Variants in PCDH9 observed in about 807,000 individuals in gnomAD.
PCDH9 encodes the protein protocadherin 9.
Under a neutral mutation model 70.6 loss-of-function variants are expected in PCDH9, and 24 were observed. The observed-to-expected ratio is 0.34, with a 90% CI of 0.25 to 0.48. PCDH9 has a LOEUF of 0.48. PCDH9 is among the 20% of genes least tolerant of loss of function. The pLI, the probability that PCDH9 is intolerant of heterozygous loss-of-function variation, is 0.99. For missense variants in PCDH9, 1,281 were observed against 1,503.6 expected, an observed-to-expected ratio of 0.85 and a Z score of 2.45; for synonymous variants, 562 against 558.5, an observed-to-expected ratio of 1.01 and a Z score of -0.09.
intron 2 of PCDH9, among the ~76,000 whole-genome samples, chr13:66,980,078 CTCTATCTATCTATCTATCTATCTATCTA>C (rs34374674): frequency 3.1e-4 from 45 of 147,132 alleles, no homozygotes; most frequent in African/African-American, 9.8e-4. Context: ...AATTATCCAT[CTCTATCTATCTATCTATCTATCTATCTA>C]TCTATCTATC....
intron 4 of PCDH9, among the ~76,000 whole-genome samples, chr13:66,436,774 T>C (rs1204897173): frequency 6.6e-6 from 1 of 152,170 alleles, no homozygotes; most frequent in African/African-American, 2.4e-5. Context: ...ATATATAACA[T>C]ACTAATGCAT....
rs552085321 is a variant in PCDH9, at chr13:66,749,619, C to A, written c.3139-118208G>T. Among the ~76,000 whole-genome samples the A allele has an allele frequency of 1.4e-4, 21 of 152,218 alleles. No homozygotes were observed. In the South Asian group the frequency reaches 3.1e-3, roughly 23 times the overall value. On this transcript the variant is annotated intron_variant, in intron 3 of 4. Coordinates refer to ENST00000377865, the MANE Select transcript of PCDH9 (RefSeq NM_203487.3). ...ATTTTCTTTCCCATTCCTACCAGCTCGAGACCAGAATTTAGAAAAAGTCTC... is the reference window on the plus strand; with the variant it reads ...ATTTTCTTTCCCATTCCTACCAGCTAGAGACCAGAATTTAGAAAAAGTCTC...
chr13:66,512,285 TA>T (rs1959515567), intron 4 of PCDH9, among the ~76,000 whole-genome samples: 2 of 89,320 alleles, frequency 2.2e-5, no homozygotes, highest in African/African-American at 9.0e-5. Flanking sequence ...TTAGGAATTA[TA>T]TATATATATA....
At chr13:66,384,831 ATT>A (rs35787790) in intron 4 of PCDH9, among the ~76,000 whole-genome samples, 1 of 151,046 alleles carries the variant, frequency 6.6e-6, no homozygotes, top group African/African-American at 2.4e-5. Context: ...CTCCCAGATA[ATT>A]TTTTTTTGTA....
chr13:66,700,202 T>G (rs1181828333), intron 3 of PCDH9, among the ~76,000 whole-genome samples: 1 of 152,134 alleles, frequency 6.6e-6, no homozygotes, highest in Non-Finnish European at 1.5e-5. Context: ...AATCGCTATT[T>G]GTAATGCAAT....
chr13:66,731,182 G>A (rs1457264723), intron 3 of PCDH9, among the ~76,000 whole-genome samples: 1 of 152,028 alleles, frequency 6.6e-6, no homozygotes, highest in African/African-American at 2.4e-5. Flanking sequence ...ATGACAATCA[G>A]AGGCATAAAT....
At chr13:66,857,338 C>G (rs1002582328) in intron 3 of PCDH9, among the ~76,000 whole-genome samples, 1 of 152,090 alleles carries the variant, frequency 6.6e-6, no homozygotes, top group East Asian at 1.9e-4. Flanking sequence ...TCCATTGGTA[C>G]ATTTGGTTTA....
At chr13:66,812,350 C>CA (rs778868672) in intron 3 of PCDH9, among the ~76,000 whole-genome samples, 14 of 150,654 alleles carry the variant, frequency 9.3e-5, no homozygotes, top group African/African-American at 1.2e-4. Flanking sequence ...AAAAACTGAA[C>CA]AAAAAAAAAT....
At chr13:66,445,461 T>A (rs1177505758) in intron 4 of PCDH9, among the ~76,000 whole-genome samples, 3 of 142,870 alleles carry the variant, frequency 2.1e-5, no homozygotes, top group African/African-American at 8.0e-5. Context: ...TATATACACA[T>A]ATATATAATA....
chr13:66,440,588 G>A (rs1429830036), intron 4 of PCDH9, among the ~76,000 whole-genome samples: 1 of 152,010 alleles, frequency 6.6e-6, no homozygotes, highest in Non-Finnish European at 1.5e-5. Flanking sequence ...GGTTTAATTT[G>A]TAGATGATGA....
intron 3 of PCDH9, among the ~76,000 whole-genome samples, chr13:66,663,645 C>T (rs1048105172): frequency 2.0e-5 from 3 of 152,142 alleles, no homozygotes; most frequent in Non-Finnish European, 2.9e-5. Context: ...TATCTCCTGA[C>T]ACATGAACCA....
At chr13:66,662,291 G>A (rs2078020938) in intron 3 of PCDH9, among the ~76,000 whole-genome samples, 1 of 151,928 alleles carries the variant, frequency 6.6e-6, no homozygotes, top group African/African-American at 2.4e-5. Context: ...TGACCAACAT[G>A]GAGAAACCCC....
At chr13:66,730,897 T>TTTTTTG (rs2079070340) in intron 3 of PCDH9, among the ~76,000 whole-genome samples, 7 of 129,130 alleles carry the variant, frequency 5.4e-5, no homozygotes, top group East Asian at 2.2e-4. Flanking sequence ...GTTTGTTTCT[T>TTTTTTG]TTTTTTTGTG....
intron 4 of PCDH9, among the ~76,000 whole-genome samples, chr13:66,629,038 A>G (rs1237082358): frequency 1.3e-5 from 2 of 152,222 alleles, no homozygotes; most frequent in African/African-American, 4.8e-5. Context: ...TCTGAAATCC[A>G]CTGATTAAAT....
At chr13:66,834,447 T>G (rs529456590) in intron 3 of PCDH9, among the ~76,000 whole-genome samples, 1 of 152,260 alleles carries the variant, frequency 6.6e-6, no homozygotes, top group African/African-American at 2.4e-5. Context: ...CAGCCCCTGA[T>G]GGTCTTTTGG....
intron 2 of PCDH9, among the ~76,000 whole-genome samples, chr13:67,008,383 G>T (rs1228955603): frequency 1.3e-5 from 2 of 151,920 alleles, no homozygotes; most frequent in African/African-American, 4.8e-5. Context: ...TAAAACTGTT[G>T]GTTTATATTT....
At chr13:66,320,015 A>C (rs1458195714) in intron 4 of PCDH9, among the ~76,000 whole-genome samples, 1 of 152,120 alleles carries the variant, frequency 6.6e-6, no homozygotes, top group Non-Finnish European at 1.5e-5. Flanking sequence ...TAAGATAATA[A>C]GTCAAAATAG....
intron 4 of PCDH9, among the ~76,000 whole-genome samples, chr13:66,447,999 C>T (rs530065730): frequency 7.9e-5 from 12 of 152,178 alleles, no homozygotes; most frequent in African/African-American, 2.4e-4. Context: ...GTCATTTATG[C>T]CTTAATCATT....
At chr13:67,200,411 G>C (rs1344402189) in intron 2 of PCDH9, among the ~76,000 whole-genome samples, 1 of 151,936 alleles carries the variant, frequency 6.6e-6, no homozygotes, top group Non-Finnish European at 1.5e-5. Context: ...TAAATACTGT[G>C]GTGACTCATG....
Sources: gnomAD v4.1 joint callset for allele counts (sites outside exome capture counted in the v4.1 genomes callset) on GRCh38, gnomAD v4.1.1 for gene constraint, MANE v1.5 for transcripts, NCBI Gene and HGNC (gene_info 2026-07-23, HGNC 2026-07-21) for gene names.